PCDHA8: variants seen among roughly 807,000 people sequenced by gnomAD.
PCDHA8 encodes the protein protocadherin alpha-8.
A neutral mutation model predicts 61.8 loss-of-function variants in PCDHA8; 53 were observed. That is an observed-to-expected ratio of 0.86 (90% CI 0.69 to 1.08). The LOEUF is 1.08. PCDHA8 is among the 50% of genes least tolerant of loss of function. The pLI is 0.00. For missense variants in PCDHA8, 1,293 were observed against 1,245.0 expected, an observed-to-expected ratio of 1.04 and a Z score of -0.58; for synonymous variants, 618 against 556.6, an observed-to-expected ratio of 1.11 and a Z score of -1.55.
Position 140,883,224 on chromosome 5 carries a change from C to A in PCDHA8, c.2394+39509C>A, listed in dbSNP as rs782659730. The stretch of plus-strand genomic sequence containing the variant: ...GAAGAAAAGAAATTATATGAAATAT[C>A]CGTGGAGGCAGTTGACAAAGGAAAT... On this transcript the variant is annotated intron_variant, in intron 1 of 3. Transcript: ENST00000531613. The A allele has an allele frequency of 1.2e-5, 20 of 1,613,828 alleles. 2 individuals carry two copies. In the South Asian group the frequency reaches 2.2e-4, roughly 18 times the overall value.
intron 1 of PCDHA8, chr5:140,850,491 C>T (rs2150486292): frequency 1.3e-6 from 2 of 1,597,970 alleles, no homozygotes; most frequent in South Asian, 1.1e-5. Flanking sequence ...GGCCACTGTG[C>T]TGGTGTCGCT....
In PCDHA8 at chr5:140,842,063, G is replaced by C. The variant is rs1213934072; in HGVS notation, c.742G>C (p.Glu248Gln). Residue 248 changes from glutamate to glutamine, a missense_variant, in exon 1 of 4, where the codon GAA becomes CAA. Glu to Gln is a conservative substitution (Grantham distance 29, BLOSUM62 2). Transcript: ENST00000531613. Reference sequence around the variant, plus strand: ...TCCCACTTTCGAACAGTCTGAATACGAAGTAAGAATATTCGAAAACGCAGA... The same window carrying C: ...TCCCACTTTCGAACAGTCTGAATACCAAGTAAGAATATTCGAAAACGCAGA... ...NAPTFEQSEY[E>Q]VRIFENADNG... is the part of the protein sequence containing the mutation. The C allele has an allele frequency of 1.2e-6, 2 of 1,613,830 alleles. No individual in the cohort carries two copies. Among genetic ancestry groups the C allele is most frequent in the African/African-American group, 1.3e-5 (1 of 74,956 alleles).
At chr5:140,954,214 T>C (rs1186171676) in intron 1 of PCDHA8, among the ~76,000 whole-genome samples, 1 of 152,254 alleles carries the variant, frequency 6.6e-6, no homozygotes, top group African/African-American at 2.4e-5. Flanking sequence ...TCCCATGTTT[T>C]TGCTATTGTG....
At chr5:140,931,602 T>C (rs1192023680) in intron 1 of PCDHA8, among the ~76,000 whole-genome samples, 12 of 152,084 alleles carry the variant, frequency 7.9e-5, no homozygotes, top group Non-Finnish European at 1.2e-4. Flanking sequence ...TTTTCCATCA[T>C]TGTTGATATT....
At chr5:140,979,243 C>T (rs1554240401) in intron 2 of PCDHA8, among the ~76,000 whole-genome samples, 1 of 152,178 alleles carries the variant, frequency 6.6e-6, no homozygotes, top group Non-Finnish European at 1.5e-5. Context: ...CAGAAACAGG[C>T]TGCTATGTAT....
At chr5:140,879,235 A>T (rs904336289) in intron 1 of PCDHA8, among the ~76,000 whole-genome samples, 1 of 152,240 alleles carries the variant, frequency 6.6e-6, no homozygotes, top group Non-Finnish European at 1.5e-5. Context: ...CATATACAAG[A>T]GGCACTGGCA....
chr5:140,845,791 T>C (rs1780035450), intron 1 of PCDHA8, among the ~76,000 whole-genome samples: 1 of 149,740 alleles, frequency 6.7e-6, no homozygotes, highest in Admixed American at 6.7e-5. Flanking sequence ...AATAATAAAC[T>C]CTGGCAAGTG....
intron 3 of PCDHA8, among the ~76,000 whole-genome samples, chr5:140,995,361 G>C (rs567350687): frequency 1.1e-3 from 168 of 152,090 alleles, no homozygotes; most frequent in African/African-American, 3.4e-3. Flanking sequence ...TCGGACAGAG[G>C]GATGATTCAC....
chr5:140,869,192 A>T (rs782002128), intron 1 of PCDHA8: 2 of 1,613,882 alleles, frequency 1.2e-6, no homozygotes, highest in East Asian at 4.5e-5. Flanking sequence ...GGGAGCGGCC[A>T]GCTCCACTAC....
At chr5:140,975,671 T>C (rs923429904) in intron 1 of PCDHA8, among the ~76,000 whole-genome samples, 2 of 152,248 alleles carry the variant, frequency 1.3e-5, no homozygotes, top group Admixed American at 6.5e-5. Context: ...TGTGAGTTTA[T>C]TAATAAAATA....
At chr5:140,875,268 A>G (rs1484025646) in intron 1 of PCDHA8, 4 of 1,218,994 alleles carry the variant, frequency 3.3e-6, no homozygotes, top group Non-Finnish European at 4.4e-6. Context: ...GTCGCTCTAC[A>G]CTCAGAAGGT....
At chr5:140,897,381 T>C (rs1258843270) in intron 1 of PCDHA8, among the ~76,000 whole-genome samples, 1 of 136,686 alleles carries the variant, frequency 7.3e-6, no homozygotes, top group Non-Finnish European at 1.5e-5. Flanking sequence ...CCCTTCCCCT[T>C]CCTGTGTCCA....
intron 1 of PCDHA8, among the ~76,000 whole-genome samples, chr5:140,958,944 T>G (rs199974895): frequency 1.0e-5 from 1 of 100,018 alleles, no homozygotes; most frequent in African/African-American, 4.8e-5. Context: ...TGTAATAATA[T>G]TATATTATTA....
chr5:140,936,091 C>T (rs782416143), intron 1 of PCDHA8, among the ~76,000 whole-genome samples: 2 of 152,046 alleles, frequency 1.3e-5, no homozygotes, highest in Non-Finnish European at 2.9e-5. Flanking sequence ...CAGGGTTTCA[C>T]CATGTTGGCC....
intron 1 of PCDHA8, chr5:140,853,308 C>G: frequency 3.1e-6 from 3 of 983,184 alleles, no homozygotes; most frequent in Non-Finnish European, 3.7e-6. Flanking sequence ...CTGTGAACAC[C>G]TTAGTAATAA....
chr5:140,862,898 CTG>C, intron 1 of PCDHA8: 2 of 555,934 alleles, frequency 3.6e-6, no homozygotes, highest in Non-Finnish European at 3.5e-6. Context: ...ACAACTTTGT[CTG>C]CGCTGCTGGC....
At chr5:140,993,831 T>C (rs2097584101) in intron 3 of PCDHA8, among the ~76,000 whole-genome samples, 1 of 152,190 alleles carries the variant, frequency 6.6e-6, no homozygotes, top group South Asian at 2.1e-4. Flanking sequence ...CTATACCATA[T>C]AGCCTAGGTA....
chr5:140,958,020 A>G (rs536128192), intron 1 of PCDHA8, among the ~76,000 whole-genome samples: 90 of 152,262 alleles, frequency 5.9e-4, no homozygotes, highest in African/African-American at 2.1e-3. Context: ...TCAGCCAAGT[A>G]TACTATGCTT....
chr5:140,940,029 C>T (rs1411990785), intron 1 of PCDHA8, among the ~76,000 whole-genome samples: 4 of 152,136 alleles, frequency 2.6e-5, no homozygotes, highest in East Asian at 1.9e-4. Flanking sequence ...TGTTTTAAGG[C>T]TATTTTATTT....
Sources: allele counts gnomAD v4.1 joint callset (sites outside exome capture counted in the v4.1 genomes callset), GRCh38; gene constraint gnomAD v4.1.1; transcripts MANE v1.5; gene names NCBI Gene and HGNC (gene_info 2026-07-23, HGNC 2026-07-21).